Variants in TBCEL observed in about 807,000 individuals in gnomAD.
TBCEL encodes tubulin-specific chaperone cofactor E-like protein.
A neutral mutation model predicts 44.2 loss-of-function variants in TBCEL; 15 were observed. The ratio of observed to expected loss-of-function variants is 0.34; its 90% CI spans 0.23 to 0.52. The LOEUF (loss-of-function observed/expected upper bound fraction) is 0.52, where lower values mean the gene tolerates loss of function less well. Among genes scored for constraint, TBCEL ranks in the 20% least tolerant of loss-of-function variants. TBCEL has a pLI of 0.95. For synonymous variants in TBCEL, 171 were observed against 185.4 expected, an observed-to-expected ratio of 0.92 and a Z score of 0.63; for missense variants, 319 against 506.3, an observed-to-expected ratio of 0.63 and a Z score of 3.55.
In TBCEL at chr11:121,087,954, T is replaced by C. The variant is rs908950211; in HGVS notation, c.*858T>C. On this transcript the variant is annotated 3_prime_UTR_variant, in exon 9 of 9. Coordinates refer to ENST00000683345, the MANE Select transcript of TBCEL (RefSeq NM_001363644.2). Reference sequence around the variant, plus strand: ...AGTTCTTTTATTTTTGCTTATTGAATGTATTTCCTCATATCTTTCTTTTTC... The same window carrying C: ...AGTTCTTTTATTTTTGCTTATTGAACGTATTTCCTCATATCTTTCTTTTTC... The C allele has an allele frequency of 6.6e-6, 1 of 152,242 alleles. No individual in the cohort carries two copies. The highest frequency in any genetic ancestry group is 1.5e-5 in the Non-Finnish European group (1 of 68,038). The allele number at this position is 152,242 out of a possible 1,614,324, so 9.4% of individuals were successfully genotyped here.
intron 2 of TBCEL, among the ~76,000 whole-genome samples, chr11:121,042,850 A>C (rs1945358683): frequency 6.6e-6 from 1 of 152,280 alleles, no homozygotes; most frequent in East Asian, 1.9e-4. Flanking sequence ...TAGACCATAC[A>C]TAAGTGAGAA....
intron 1 of TBCEL, among the ~76,000 whole-genome samples, chr11:121,029,518 A>G (rs1945106981): frequency 6.6e-6 from 1 of 152,238 alleles, no homozygotes; most frequent in Non-Finnish European, 1.5e-5. Context: ...AGAGATAGGT[A>G]AGTAACTTGT....
In TBCEL at chr11:121,071,631, G is replaced by A. The variant is rs184074008; in HGVS notation, c.956+11546G>A. ...CCTGGGAAATCCTTTATGATGGCAA[G>A]GATTACATTAGGAATTCCTCAAATG... On this transcript the variant is annotated intron_variant, in intron 8 of 8. Coordinates refer to ENST00000683345, the MANE Select transcript of TBCEL (RefSeq NM_001363644.2). Among the ~76,000 whole-genome samples, 295 of 152,270 alleles carry A rather than the reference G, an allele frequency of 1.9e-3. 1 individual carries two copies. Among genetic ancestry groups the A allele is most frequent in the African/African-American group, 6.7e-3 (279 of 41,570 alleles).
intron 8 of TBCEL, among the ~76,000 whole-genome samples, chr11:121,071,517 G>C (rs764414868): frequency 1.2e-4 from 19 of 152,186 alleles, no homozygotes; most frequent in Non-Finnish European, 2.2e-4. Context: ...GGCAATGCCA[G>C]AAACAGGTTT....
intron 1 of TBCEL, among the ~76,000 whole-genome samples, chr11:121,032,819 C>G (rs1945167853): frequency 6.6e-6 from 1 of 152,188 alleles, no homozygotes; most frequent in Admixed American, 6.5e-5. Flanking sequence ...AGGGAACATA[C>G]CCGTTGAACA....
intron 8 of TBCEL, among the ~76,000 whole-genome samples, chr11:121,064,859 C>G (rs1237712766): frequency 6.6e-6 from 1 of 152,050 alleles, no homozygotes; most frequent in Non-Finnish European, 1.5e-5. Context: ...AGGAGTCTCA[C>G]TCTGTCGCCC....
chr11:121,047,475 G>A lies in TBCEL; in HGVS notation c.134-53G>A, dbSNP rs978212084. ...GACACTTCCTGGGGGCTGAACATAT[G>A]TAGACAAGAATTTGGCTGATATAGA... On this transcript the variant is annotated intron_variant, in intron 3 of 8. Transcript: ENST00000683345. The A allele has an allele frequency of 1.1e-5, 17 of 1,602,876 alleles. No homozygotes were observed. The African/African-American group carries it at 2.0e-4, about 19-fold the overall frequency.
rs1192895937 is a variant in TBCEL at position 121,089,426 on chromosome 11, T to G, written c.*2330T>G. On this transcript the variant is annotated 3_prime_UTR_variant, in exon 9 of 9. Coordinates refer to ENST00000683345, the MANE Select transcript of TBCEL (RefSeq NM_001363644.2). ...GCGGATGTGGGTATTTTTAGGGCAT[T>G]GTAATTGATGGTTTTAATAATTGCT... 6.6e-6 allele frequency: 1 copy of G among 152,192 alleles called. No homozygotes were observed. The highest frequency in any genetic ancestry group is 2.4e-5 in the African/African-American group (1 of 41,454). The allele number at this position is 152,192 out of a possible 1,614,324, so 9.4% of individuals were successfully genotyped here.
intron 8 of TBCEL, among the ~76,000 whole-genome samples, chr11:121,068,519 T>G (rs893400202): frequency 6.6e-6 from 1 of 152,082 alleles, no homozygotes; most frequent in Admixed American, 6.6e-5. Flanking sequence ...TCTCCCTGAG[T>G]CCACCCTTGC....
At chr11:121,058,612 C>T in intron 7 of TBCEL, 141 bp downstream of exon 7, 2 of 1,035,440 alleles carry the variant, frequency 1.9e-6, no homozygotes, top group Non-Finnish European at 1.4e-6. Context: ...GCCCCTGTAG[C>T]TCCAAATCCT....
intron 8 of TBCEL, among the ~76,000 whole-genome samples, chr11:121,081,712 C>G (rs1461265430): frequency 6.6e-6 from 1 of 152,068 alleles, no homozygotes; most frequent in African/African-American, 2.4e-5. Context: ...TTTGTAAAAT[C>G]ATGATTTCTT....
At chr11:121,048,860 T>C (rs1945480038) in intron 4 of TBCEL, among the ~76,000 whole-genome samples, 1 of 151,906 alleles carries the variant, frequency 6.6e-6, no homozygotes, top group African/African-American at 2.4e-5. Context: ...AACCCACTGC[T>C]CTCTTTCTTT....
chr11:121,027,882 G>A (rs1316032804), intron 1 of TBCEL, among the ~76,000 whole-genome samples: 2 of 152,072 alleles, frequency 1.3e-5, no homozygotes, highest in South Asian at 2.1e-4. Flanking sequence ...CATAGACCAA[G>A]TAGATCAGAA....
rs373593654 is a variant in TBCEL at position 121,071,416 on chromosome 11, T to TA, written c.956+11335dup. 4.7e-3 allele frequency among the ~76,000 whole-genome samples: 713 copies of TA among 152,330 alleles called. 5 individuals carry two copies. The highest frequency in any genetic ancestry group is 0.017 in the Middle Eastern group (5 of 294). On this transcript the variant is annotated intron_variant, in intron 8 of 8. Transcript: ENST00000683345. ...TGATTTAGGGTGCCTTTTCAGACTTTAAAATTTTGCTTATCATAAGGAGGA... is the reference window on the plus strand; with the variant it reads ...TGATTTAGGGTGCCTTTTCAGACTTTAAAAATTTTGCTTATCATAAGGAGGA...
intron 8 of TBCEL, among the ~76,000 whole-genome samples, chr11:121,063,947 G>A (rs912060518): frequency 3.9e-5 from 6 of 152,108 alleles, no homozygotes; most frequent in African/African-American, 1.2e-4. Flanking sequence ...ATCCACACTC[G>A]TATATTACCC....
rs578181664 is a variant in TBCEL at position 121,057,795 on chromosome 11, A to G, written c.713-550A>G. 4.6e-5 allele frequency among the ~76,000 whole-genome samples: 7 copies of G among 151,408 alleles called. No homozygotes were observed. The East Asian group carries it at 1.2e-3, about 25-fold the overall frequency. On this transcript the variant is annotated intron_variant, in intron 6 of 8. Coordinates refer to ENST00000683345, the MANE Select transcript of TBCEL (RefSeq NM_001363644.2). ...ACTGTTTTATATAAGGGACTTGAGC[A>G]TCTGCGGATTTTGGTATCTGTAGGA... is the stretch of plus-strand genomic sequence containing the variant.
chr11:121,041,926 A>G (rs879616673), intron 2 of TBCEL, among the ~76,000 whole-genome samples: 79 of 152,114 alleles, frequency 5.2e-4, no homozygotes, highest in Non-Finnish European at 8.4e-4. Context: ...AAAAAAAAAA[A>G]AAGAAGTCTT....
Position 121,058,359 on chromosome 11 carries a change from G to A in TBCEL, c.727G>A (p.Glu243Lys), listed in dbSNP as rs1165887035. ...TCTCAAATTAGGTTTGCAGTCCTGG[G>A]AAGACATTGATAAACTAAATTCATT... is the stretch of plus-strand genomic sequence containing the variant. ...SLHKSGLQSW[E>K]DIDKLNSFPK... Residue 243 changes from glutamate to lysine, a missense_variant, in exon 7 of 9, where the codon GAA becomes AAA. Transcript: ENST00000683345. 3.1e-6 allele frequency: 5 copies of A among 1,611,354 alleles called. No homozygotes were observed. The highest frequency in any genetic ancestry group is 4.2e-6 in the Non-Finnish European group (5 of 1,178,082).
At chr11:121,057,726 T>C in intron 6 of TBCEL, 5 of 408,002 alleles carry the variant, frequency 1.2e-5, no homozygotes, top group Non-Finnish European at 2.4e-5. Context: ...AACCTAGAGA[T>C]AAAGTATGCA....
Sources: allele counts gnomAD v4.1 joint callset (sites outside exome capture counted in the v4.1 genomes callset), GRCh38; gene constraint gnomAD v4.1.1; transcripts MANE v1.5; gene names NCBI Gene and HGNC (gene_info 2026-07-23, HGNC 2026-07-21).